IL1RAPL1: variants seen among roughly 807,000 people sequenced by gnomAD.
IL1RAPL1 encodes interleukin 1 receptor accessory protein like 1, also known as interleukin-1 receptor accessory protein-like 1.
Under a neutral mutation model 48.4 loss-of-function variants are expected in IL1RAPL1, and 3 were observed. The observed-to-expected ratio is 0.06, with a 90% confidence interval of 0.03 to 0.16. The LOEUF (loss-of-function observed/expected upper bound fraction) is 0.16, where lower values mean the gene tolerates loss of function less well. IL1RAPL1 is among the 10% of genes least tolerant of loss of function. IL1RAPL1 has a pLI of 1.00. For missense variants in IL1RAPL1, 349 were observed against 530.6 expected (o/e 0.66, Z 3.36); for synonymous variants, 185 against 187.7 (o/e 0.99, Z 0.12).
At chrX:29,325,869 A>G (rs141763988) in intron 3 of IL1RAPL1, among the ~76,000 whole-genome samples, 1 of 111,782 alleles carries the variant, frequency 8.9e-6, no homozygotes, top group Non-Finnish European at 1.9e-5. Context: ...CGTGGTTAAG[A>G]GAGGAAGAAT....
intron 6 of IL1RAPL1, among the ~76,000 whole-genome samples, chrX:29,693,033 A>G (rs1569147541): frequency 8.9e-6 from 1 of 112,226 alleles, no homozygotes; most frequent in Non-Finnish European, 1.9e-5. Flanking sequence ...AGTGCGTTTC[A>G]GCTGCATGTT....
At chrX:29,941,115 C>T (rs1933119812) in intron 8 of IL1RAPL1, among the ~76,000 whole-genome samples, 1 of 111,897 alleles carries the variant, frequency 8.9e-6, no homozygotes, top group Non-Finnish European at 1.9e-5. Flanking sequence ...TCTCCTGAAA[C>T]TGTGTTGTTT....
At chrX:29,907,872 A>G (rs993458126) in intron 6 of IL1RAPL1, among the ~76,000 whole-genome samples, 2 of 111,666 alleles carry the variant, frequency 1.8e-5, no homozygotes, top group African/African-American at 6.5e-5. Flanking sequence ...TAGTATAAAT[A>G]GGATCTCTTC....
intron 5 of IL1RAPL1, among the ~76,000 whole-genome samples, chrX:29,563,336 A>G (rs112613704): frequency 0.081 from 9,062 of 111,833 alleles, 916 homozygotes; most frequent in African/African-American, 0.28. Flanking sequence ...ATAGAGCTAA[A>G]TTAAAACTGT....
intron 2 of IL1RAPL1, among the ~76,000 whole-genome samples, chrX:29,163,648 G>T (rs1929729944): frequency 9.0e-6 from 1 of 111,282 alleles, no homozygotes; most frequent in South Asian, 3.8e-4. Flanking sequence ...AAAGGGACAT[G>T]GTAGAAGCAG....
intron 1 of IL1RAPL1, among the ~76,000 whole-genome samples, chrX:28,595,507 GA>G (rs1375192438): frequency 8.9e-6 from 1 of 111,963 alleles, no homozygotes; most frequent in Non-Finnish European, 1.9e-5. Context: ...GGCTGTGGAG[GA>G]CATACTTTTG....
At chrX:28,642,252 T>C (rs1934554069) in intron 1 of IL1RAPL1, among the ~76,000 whole-genome samples, 1 of 111,195 alleles carries the variant, frequency 9.0e-6, no homozygotes, top group Admixed American at 9.6e-5. Context: ...AGACAGATCA[T>C]CGAGATGGAA....
At chrX:28,735,281 C>T (rs991802579) in intron 1 of IL1RAPL1, among the ~76,000 whole-genome samples, 4 of 110,120 alleles carry the variant, frequency 3.6e-5, no homozygotes, top group African/African-American at 1.3e-4. Flanking sequence ...AAGCAATGTA[C>T]ATGTTCACAC....
chrX:29,133,721 A>G (rs1048088983), intron 2 of IL1RAPL1, among the ~76,000 whole-genome samples: 2 of 111,709 alleles, frequency 1.8e-5, no homozygotes, highest in African/African-American at 6.5e-5. Flanking sequence ...GCTGGGGTTC[A>G]CTTTTTGTGT....
At chrX:29,248,111 AAC>A (rs1931548475) in intron 2 of IL1RAPL1, among the ~76,000 whole-genome samples, 1 of 112,145 alleles carries the variant, frequency 8.9e-6, no homozygotes, top group Non-Finnish European at 1.9e-5. Flanking sequence ...GAAAAAGACA[AAC>A]ACAAACAAAT....
At chrX:28,880,928 A>G (rs1035575654) in intron 2 of IL1RAPL1, among the ~76,000 whole-genome samples, 33 of 111,757 alleles carry the variant, frequency 3.0e-4, no homozygotes, top group African/African-American at 1.1e-3. Flanking sequence ...TATAACATCT[A>G]TCTGGTTTTC....
At chrX:29,388,683 G>GCCA (rs921916967) in intron 3 of IL1RAPL1, among the ~76,000 whole-genome samples, 1 of 111,909 alleles carries the variant, frequency 8.9e-6, no homozygotes, top group African/African-American at 3.2e-5. Flanking sequence ...AGATACAAAA[G>GCCA]GCTACATTTA....
intron 2 of IL1RAPL1, among the ~76,000 whole-genome samples, chrX:28,803,848 G>A (rs1269995263): frequency 4.5e-5 from 5 of 112,110 alleles, no homozygotes; most frequent in African/African-American, 1.6e-4. Flanking sequence ...CATCAGCTAT[G>A]CCTGGGCATA....
chrX:29,470,948 T>TACAATTTA (rs1934914201), intron 5 of IL1RAPL1, among the ~76,000 whole-genome samples: 1 of 112,058 alleles, frequency 8.9e-6, no homozygotes, highest in Non-Finnish European at 1.9e-5. Context: ...TTTTAAATTG[T>TACAATTTA]ACAATTTATT....
At chrX:29,516,470 A>G (rs1935446607) in intron 5 of IL1RAPL1, among the ~76,000 whole-genome samples, 1 of 111,356 alleles carries the variant, frequency 9.0e-6, no homozygotes, top group East Asian at 2.8e-4. Flanking sequence ...GGAGGTCACC[A>G]CTATTCTCAA....
At chrX:29,116,311 A>G (rs1602064216) in intron 2 of IL1RAPL1, among the ~76,000 whole-genome samples, 1 of 110,727 alleles carries the variant, frequency 9.0e-6, no homozygotes, top group East Asian at 2.8e-4. Context: ...GTCAAAAAAG[A>G]ATGGAGGGAG....
intron 6 of IL1RAPL1, among the ~76,000 whole-genome samples, chrX:29,810,653 T>C (rs1930362121): frequency 9.0e-6 from 1 of 111,697 alleles, no homozygotes; most frequent in African/African-American, 3.3e-5. Context: ...ATAAGATATA[T>C]TTTCTTATTC....
At chrX:28,886,521 TA>T (rs63309363) in intron 2 of IL1RAPL1, among the ~76,000 whole-genome samples, 3 of 104,131 alleles carry the variant, frequency 2.9e-5, no homozygotes, top group African/African-American at 3.5e-5. Flanking sequence ...ATTGTTGTTT[TA>T]AAAAAAAAAG....
rs1047701590 is a variant in IL1RAPL1, at chrX:28,855,708, C to T, written c.82+66283C>T. Among the ~76,000 whole-genome samples the T allele has an allele frequency of 3.6e-5, 4 of 111,322 alleles. No individual in the cohort carries two copies. In the East Asian group the frequency reaches 1.1e-3, roughly 32 times the overall value. ...ACAGTTCATTATAATGCATTTACTT[C>T]TAGTGCACCATAGTTTTCTAGTTTA... is the stretch of plus-strand genomic sequence containing the variant. On this transcript the variant is annotated intron_variant, in intron 2 of 10. Coordinates refer to ENST00000378993, the MANE Select transcript of IL1RAPL1 (RefSeq NM_014271.4).
Sources: allele counts gnomAD v4.1 joint callset (sites outside exome capture counted in the v4.1 genomes callset), GRCh38; gene constraint gnomAD v4.1.1; transcripts MANE v1.5; gene names NCBI Gene and HGNC (gene_info 2026-07-23, HGNC 2026-07-21).